PTGR3: variants seen among roughly 807,000 people sequenced by gnomAD.
PTGR3 encodes the protein zinc binding alcohol dehydrogenase domain containing 2.
chr18:75,207,122 C>CCCTCTCCA, the PTGR3 span, among the ~76,000 whole-genome samples: 1 of 152,220 alleles, frequency 6.6e-6, no homozygotes, highest in Non-Finnish European at 1.5e-5. Flanking sequence ...CCGGCGGGAG[C>CCCTCTCCA]CCTCTCCACC....
the PTGR3 span, chr18:75,201,419 C>T: frequency 6.2e-7 from 1 of 1,603,282 alleles, no homozygotes; most frequent in Non-Finnish European, 8.5e-7. Context: ...TCTGTTTTTA[C>T]AGCTTACTGT....
chr18:75,202,521 A>G, the PTGR3 span, among the ~76,000 whole-genome samples: 3 of 152,214 alleles, frequency 2.0e-5, no homozygotes, highest in Non-Finnish European at 2.9e-5. Flanking sequence ...AACAAGTATT[A>G]GTTCAATGTG....
the PTGR3 span, chr18:75,202,067 G>A: frequency 1.2e-6 from 2 of 1,614,000 alleles, no homozygotes; most frequent in African/African-American, 1.3e-5. Context: ...TCAGGCTGAT[G>A]TATGCGGTGG....
chr18:75,207,467 T>C, the PTGR3 span, among the ~76,000 whole-genome samples: 27 of 152,338 alleles, frequency 1.8e-4, no homozygotes, highest in African/African-American at 6.3e-4. Flanking sequence ...CCCTTCTTTT[T>C]AGCTGGGCTG....
At chr18:75,208,529 G>A in the PTGR3 span, 6 of 1,084,750 alleles carry the variant, frequency 5.5e-6, no homozygotes, top group Non-Finnish European at 6.7e-6. Context: ...TCCCCTTCTG[G>A]GTCCCGTCGG....
chr18:75,204,710 G>C, the PTGR3 span, among the ~76,000 whole-genome samples: 1 of 152,134 alleles, frequency 6.6e-6, no homozygotes, highest in Non-Finnish European at 1.5e-5. Context: ...GCCCGGCGCC[G>C]CGGTGGAGTT....
At chr18:75,206,231 C>A in the PTGR3 span, among the ~76,000 whole-genome samples, 958 of 152,192 alleles carry the variant, frequency 6.3e-3, 12 homozygotes, top group African/African-American at 0.021. Context: ...ACTTTATTAT[C>A]CTAAATCAAT....
At chr18:75,205,769 GAAGGA>G in the PTGR3 span, among the ~76,000 whole-genome samples, 2 of 138,192 alleles carry the variant, frequency 1.4e-5, no homozygotes, top group Admixed American at 7.2e-5. Flanking sequence ...AAGAAACAAA[GAAGGA>G]AAGACAAGAA....
chr18:75,208,583 G>T, the PTGR3 span: 1 of 997,522 alleles, frequency 1.0e-6, no homozygotes, highest in Non-Finnish European at 1.3e-6. Context: ...GGCTGGAGGA[G>T]GGGAGGGGAA....
the PTGR3 span, chr18:75,199,411 A>G: frequency 6.6e-6 from 1 of 152,348 alleles, no homozygotes; most frequent in Non-Finnish European, 1.5e-5. Flanking sequence ...TATCTGCATA[A>G]GAAGCAACTA....
At chr18:75,201,868 G>A in the PTGR3 span, 15 of 1,614,056 alleles carry the variant, frequency 9.3e-6, no homozygotes, top group East Asian at 2.2e-5. Flanking sequence ...GTACCTACGG[G>A]TTCAGTTTTA....
At chr18:75,207,503 A>G in the PTGR3 span, among the ~76,000 whole-genome samples, 1 of 152,132 alleles carries the variant, frequency 6.6e-6, no homozygotes, top group Non-Finnish European at 1.5e-5. Context: ...TCTCAACAGC[A>G]CTGGCATTTC....
chr18:75,208,484 A>C, the PTGR3 span: 1 of 1,024,982 alleles, frequency 9.8e-7, no homozygotes, highest in East Asian at 8.6e-5. Flanking sequence ...CAACGCAGGA[A>C]CTGTGGGTGC....
chr18:75,201,376 C>T, the PTGR3 span: 1 of 1,515,690 alleles, frequency 6.6e-7, no homozygotes, highest in Non-Finnish European at 9.0e-7. Context: ...CATAAAGTGC[C>T]CATTTTCTTT....
the PTGR3 span, among the ~76,000 whole-genome samples, chr18:75,207,096 G>T: frequency 6.6e-6 from 1 of 152,230 alleles, no homozygotes; most frequent in African/African-American, 2.4e-5. Context: ...GAGAGGCCCA[G>T]GAGACCCAGC....
At chr18:75,209,124 G>C in the PTGR3 span, 17 of 1,349,964 alleles carry the variant, frequency 1.3e-5, no homozygotes, top group Middle Eastern at 2.8e-4. The surrounding 1 kb of genome is among the most constrained non-coding windows in gnomAD (Gnocchi z 4.7). Context: ...CGGGCCGCTC[G>C]GCTCGGCTGT....
chr18:75,208,192 C>T, the PTGR3 span, among the ~76,000 whole-genome samples: 1 of 152,232 alleles, frequency 6.6e-6, no homozygotes, highest in South Asian at 2.1e-4. Flanking sequence ...GCAGCCATGC[C>T]CCCACCCCGA....
At chr18:75,195,225 G>T in the PTGR3 span, 1 of 152,188 alleles carries the variant, frequency 6.6e-6, no homozygotes, top group Non-Finnish European at 1.5e-5. Flanking sequence ...AGGCTAATTT[G>T]TTTTTAACTT....
the PTGR3 span, among the ~76,000 whole-genome samples, chr18:75,204,092 T>C: frequency 2.0e-5 from 3 of 152,244 alleles, no homozygotes; most frequent in East Asian, 5.8e-4. Context: ...TCCCTCCCAG[T>C]TTGTCCCCCT....
Sources: gnomAD v4.1 joint callset for allele counts (sites outside exome capture counted in the v4.1 genomes callset) on GRCh38, gnomAD v4.1.1 for gene constraint, Gnocchi (gnomAD v3.1) non-coding constraint, MANE v1.5 for transcripts, NCBI Gene and HGNC (gene_info 2026-07-23, HGNC 2026-07-21) for gene names.